Variants in DYTN observed in about 807,000 individuals in gnomAD.
The protein encoded by DYTN is dystrotelin.
In DYTN, 75 loss-of-function variants were observed where a neutral mutation model predicts 69.6. The observed-to-expected ratio is 1.08, with a 90% CI of 0.89 to 1.31. The LOEUF (loss-of-function observed/expected upper bound fraction) is 1.31. DYTN is among the 50% of genes most tolerant of loss of function. The pLI is 0.00. For synonymous variants in DYTN, 252 were observed against 249.1 expected, an observed-to-expected ratio of 1.01 and a Z score of -0.11; for missense variants, 726 against 688.4, an observed-to-expected ratio of 1.05 and a Z score of -0.61.
At chr2:206,689,905 A>G (rs1699847457) in intron 9 of DYTN, among the ~76,000 whole-genome samples, 1 of 152,208 alleles carries the variant, frequency 6.6e-6, no homozygotes, top group African/African-American at 2.4e-5. Context: ...TTCAACAAAT[A>G]TTTATTGAGG....
chr2:206,709,341 C>T (rs1700056794), intron 2 of DYTN, among the ~76,000 whole-genome samples: 1 of 151,952 alleles, frequency 6.6e-6, no homozygotes. Context: ...CCCAGCTACT[C>T]GGGAGGTTGA....
intron 2 of DYTN, among the ~76,000 whole-genome samples, 190 bp from the exon 3 acceptor site, chr2:206,707,693 C>A (rs1325108585): frequency 2.0e-5 from 3 of 152,030 alleles, no homozygotes; most frequent in African/African-American, 7.2e-5. Context: ...ACTATTCTAG[C>A]GATTCATTTG....
intron 1 of DYTN, 102 bp downstream of exon 1, chr2:206,718,159 C>T: frequency 7.8e-7 from 1 of 1,285,678 alleles, no homozygotes; most frequent in South Asian, 1.8e-5. Context: ...AGAAATTTGC[C>T]AAATGTTTAC....
intron 1 of DYTN, among the ~76,000 whole-genome samples, chr2:206,715,415 C>T (rs781029031): frequency 6.6e-6 from 1 of 152,136 alleles, no homozygotes; most frequent in Non-Finnish European, 1.5e-5. Flanking sequence ...AGCCCGCCAG[C>T]TGCCCGTATA....
rs369831071 is a variant in DYTN at position 206,666,911 on chromosome 2, C to T, written c.981-882G>A. ...CACACACACACAAATTAGCTGAGTG[C>T]GGTGGCACCTGTAGTCACAGCTACT... On this transcript the variant is annotated intron_variant, in intron 9 of 11. Coordinates refer to ENST00000452335, the MANE Select transcript of DYTN (RefSeq NM_001093730.1). Among the ~76,000 whole-genome samples, 26 of 151,482 alleles carry T rather than the reference C, an allele frequency of 1.7e-4. No individual in the cohort carries two copies. The East Asian group carries it at 3.1e-3, about 18-fold the overall frequency.
chr2:206,669,363 C>T (rs1032380067), intron 9 of DYTN, among the ~76,000 whole-genome samples: 1 of 152,066 alleles, frequency 6.6e-6, no homozygotes, highest in African/African-American at 2.4e-5. Context: ...CAGTTTATTA[C>T]CTAGGGGTTT....
At chr2:206,685,986 GAAAA>G (rs34711985) in intron 9 of DYTN, among the ~76,000 whole-genome samples, 1 of 137,912 alleles carries the variant, frequency 7.3e-6, no homozygotes, top group Non-Finnish European at 1.6e-5. Context: ...ATAGAGTGCG[GAAAA>G]AAAAAAAAAA....
chr2:206,697,981 T>A (rs997096573), intron 7 of DYTN, among the ~76,000 whole-genome samples: 1 of 152,208 alleles, frequency 6.6e-6, no homozygotes, highest in Non-Finnish European at 1.5e-5. Context: ...CATATTTCAA[T>A]GTAAAAGTTG....
At chr2:206,652,725 GCATAGTATGATCTAA>G (rs1699401471) in intron 11 of DYTN, among the ~76,000 whole-genome samples, 1 of 152,098 alleles carries the variant, frequency 6.6e-6, no homozygotes, top group Non-Finnish European at 1.5e-5. Context: ...GAAAGCAAAA[GCATAGTATGATCTAA>G]CTTATGTTGA....
At chr2:206,664,828 T>C (rs1699552591) in intron 10 of DYTN, among the ~76,000 whole-genome samples, 1 of 152,206 alleles carries the variant, frequency 6.6e-6, no homozygotes, top group Non-Finnish European at 1.5e-5. Context: ...CCCAGTATCA[T>C]AAAATGGATG....
chr2:206,702,155 G>A (rs537351216), intron 5 of DYTN, among the ~76,000 whole-genome samples: 49 of 152,266 alleles, frequency 3.2e-4, no homozygotes, highest in African/African-American at 9.9e-4. Context: ...ACCATAAGGC[G>A]TTCAATTAAG....
intron 9 of DYTN, among the ~76,000 whole-genome samples, chr2:206,666,972 G>C (rs539746975): frequency 6.6e-6 from 1 of 152,198 alleles, no homozygotes; most frequent in Non-Finnish European, 1.5e-5. Context: ...TTGAGCCCAG[G>C]AGTTAGAGGT....
intron 9 of DYTN, among the ~76,000 whole-genome samples, chr2:206,677,674 T>G (rs1293729375): frequency 6.6e-6 from 1 of 152,074 alleles, no homozygotes; most frequent in African/African-American, 2.4e-5. Context: ...TGAAAGAAAT[T>G]ACAAAGAAAA....
intron 9 of DYTN, among the ~76,000 whole-genome samples, chr2:206,673,634 C>T (rs1699651264): frequency 6.6e-6 from 1 of 152,174 alleles, no homozygotes; most frequent in Non-Finnish European, 1.5e-5. Context: ...CAGAAGGAAG[C>T]CTTATCTGTA....
intron 11 of DYTN, among the ~76,000 whole-genome samples, chr2:206,658,034 G>A (rs149932344): frequency 1.8e-4 from 27 of 152,044 alleles, no homozygotes; most frequent in African/African-American, 6.3e-4. Flanking sequence ...TCCCTTAAAC[G>A]TTCATCACTC....
intron 9 of DYTN, among the ~76,000 whole-genome samples, chr2:206,684,118 T>C (rs946986609): frequency 2.0e-5 from 3 of 152,090 alleles, no homozygotes; most frequent in African/African-American, 7.2e-5. Context: ...AGAACAACAT[T>C]CAATAAACTT....
chr2:206,667,177 A>C (rs1236939149), intron 9 of DYTN, among the ~76,000 whole-genome samples: 2 of 152,166 alleles, frequency 1.3e-5, no homozygotes, highest in African/African-American at 4.8e-5. Flanking sequence ...GTCCTTACAG[A>C]GGTGGACAAG....
intron 9 of DYTN, among the ~76,000 whole-genome samples, chr2:206,685,391 G>A (rs539832228): frequency 1.3e-5 from 2 of 151,918 alleles, no homozygotes; most frequent in African/African-American, 4.8e-5. Flanking sequence ...TCGAACTCCT[G>A]GGGTCAAGCG....
At chr2:206,699,042 T>G (rs1699948978) in intron 7 of DYTN, among the ~76,000 whole-genome samples, 1 of 152,240 alleles carries the variant, frequency 6.6e-6, no homozygotes, top group Admixed American at 6.5e-5. Context: ...ATGACCCATG[T>G]GAACTGCTCA....
Sources: allele counts gnomAD v4.1 joint callset (sites outside exome capture counted in the v4.1 genomes callset), GRCh38; gene constraint gnomAD v4.1.1; transcripts MANE v1.5; gene names NCBI Gene and HGNC (gene_info 2026-07-23, HGNC 2026-07-21).